The following ATP2B2 variants were observed in gnomAD, a reference collection of about 807,000 sequenced individuals.
ATP2B2 encodes plasma membrane calcium-transporting ATPase 2.
A neutral mutation model predicts 120.0 loss-of-function variants in ATP2B2; 15 were observed. That is an observed-to-expected ratio of 0.12 (90% CI 0.08 to 0.19). The LOEUF (loss-of-function observed/expected upper bound fraction) is 0.19. ATP2B2 is among the 10% of genes least tolerant of loss of function. ATP2B2 has a pLI of 1.00. For missense variants in ATP2B2, 1,045 were observed against 1,719.8 expected, an observed-to-expected ratio of 0.61 and a Z score of 6.94; for synonymous variants, 694 against 700.3, an observed-to-expected ratio of 0.99 and a Z score of 0.14.
rs887810626 is a variant in ATP2B2, at chr3:10,541,749, G to A, written c.-414-7616C>T. On this transcript the variant is annotated intron_variant, in intron 2 of 21. Transcript: ENST00000646379. ...ACAGCATGTATTCTGTTGCTGTTAC[G>A]GGGAGCATTCTATATGTGTTGATTA... Among the ~76,000 whole-genome samples, 18 of 152,216 alleles carry A rather than the reference G, an allele frequency of 1.2e-4. No homozygotes were observed. The South Asian group carries it at 1.7e-3, about 14-fold the overall frequency.
chr3:10,493,899 G>A (rs2066033892), intron 1 of ATP2B2, among the ~76,000 whole-genome samples: 1 of 152,178 alleles, frequency 6.6e-6, no homozygotes, highest in South Asian at 2.1e-4. Context: ...CAGAGGTGGG[G>A]AAAAGGGTCA....
At chr3:10,374,252 T>C (rs1454102544) in intron 11 of ATP2B2, among the ~76,000 whole-genome samples, 1 of 152,180 alleles carries the variant, frequency 6.6e-6, no homozygotes, top group Non-Finnish European at 1.5e-5. Context: ...ACAGTCACCC[T>C]CTGCTGGCCC....
In ATP2B2 at chr3:10,486,324, CGTGT is replaced by C. The variant is rs1553616064; in HGVS notation, c.-320+19137_-320+19140del. Among the ~76,000 whole-genome samples the C allele has an allele frequency of 6.6e-3, 771 of 117,160 alleles. 5 individuals carry two copies. The highest frequency in any genetic ancestry group is 0.018 in the African/African-American group (693 of 37,480). 76.9% of individuals were successfully genotyped at this position (117,160 alleles called of 152,430 possible). A position where few individuals can be genotyped will look rare whatever the true frequency, so the allele number is the denominator to read the frequency against. ...AACAGCAGCCAGGTGTGTGTGCGTG[CGTGT>C]GTGTGTGTGTGTGTGTGTGTGTGTG... is the stretch of plus-strand genomic sequence containing the variant. On this transcript the variant is annotated intron_variant, in intron 1 of 22. Coordinates refer to ENST00000360273, the MANE Select transcript of ATP2B2 (RefSeq NM_001001331.4).
At chr3:10,334,011 G>A (rs571300951) in intron 22 of ATP2B2, among the ~76,000 whole-genome samples, 1 of 152,370 alleles carries the variant, frequency 6.6e-6, no homozygotes, top group Admixed American at 6.5e-5. Context: ...GTTGTTCCCG[G>A]ACGGGCCCTA....
At chr3:10,336,411 G>T in intron 22 of ATP2B2, 4 of 1,115,532 alleles carry the variant, frequency 3.6e-6, no homozygotes, top group Non-Finnish European at 3.8e-6. Flanking sequence ...CAACGACAAT[G>T]TCACTTAAAT....
In ATP2B2 at chr3:10,703,094, A is replaced by C. The variant is rs1386575821; in HGVS notation, c.-460+4821T>G. ...CACAGGCTTTAGCACGAACATCCCCAGTCCTCCGTCATTCTTCAAAGGTCT... is the reference window on the plus strand; with the variant it reads ...CACAGGCTTTAGCACGAACATCCCCCGTCCTCCGTCATTCTTCAAAGGTCT... On this transcript the variant is annotated intron_variant, in intron 1 of 21. Coordinates refer to the ATP2B2 transcript ENST00000646379. 2.0e-5 allele frequency among the ~76,000 whole-genome samples: 3 copies of C among 152,258 alleles called. No homozygotes were observed. In the East Asian group the frequency reaches 5.8e-4, roughly 29 times the overall value.
At chr3:10,471,388 G>T (rs75099461) in intron 1 of ATP2B2, among the ~76,000 whole-genome samples, 2 of 119,454 alleles carry the variant, frequency 1.7e-5, no homozygotes, top group African/African-American at 8.2e-5. Flanking sequence ...GTGTGTGTGT[G>T]TGTGTGTGTG....
At chr3:10,559,423 G>C (rs1240996240) in intron 2 of ATP2B2, among the ~76,000 whole-genome samples, 2 of 152,122 alleles carry the variant, frequency 1.3e-5, no homozygotes, top group Non-Finnish European at 2.9e-5. Context: ...ATAAACGTTT[G>C]GGGCGATGGA....
In ATP2B2 at chr3:10,691,924, G is replaced by C. The variant is rs148456986; in HGVS notation, c.-460+15991C>G. On this transcript the variant is annotated intron_variant, in intron 1 of 21. Coordinates refer to the ATP2B2 transcript ENST00000646379. Reference sequence around the variant, plus strand: ...GGAGCTTTCCCACATATCTTGCTTCGTCTTCCAATACTGCGATGGTCTGAT... The same window carrying C: ...GGAGCTTTCCCACATATCTTGCTTCCTCTTCCAATACTGCGATGGTCTGAT... 3.3e-5 allele frequency among the ~76,000 whole-genome samples: 5 copies of C among 152,234 alleles called. No individual in the cohort carries two copies. In the East Asian group the frequency reaches 9.6e-4, roughly 29 times the overall value.
chr3:10,353,438 G>A (rs73129252), intron 14 of ATP2B2, among the ~76,000 whole-genome samples: 1,653 of 152,308 alleles, frequency 0.011, 27 homozygotes, highest in African/African-American at 0.037. Flanking sequence ...CTGGCCGCAG[G>A]GAACTGTCCA....
intron 1 of ATP2B2, among the ~76,000 whole-genome samples, chr3:10,457,700 A>G (rs1296993702): frequency 6.6e-6 from 1 of 152,134 alleles, no homozygotes; most frequent in African/African-American, 2.4e-5. Context: ...CTCACAGTTG[A>G]GAAGAGAGAA....
intron 2 of ATP2B2, among the ~76,000 whole-genome samples, chr3:10,414,585 A>G (rs1015450664): frequency 6.6e-6 from 1 of 152,234 alleles, no homozygotes; most frequent in Non-Finnish European, 1.5e-5. Flanking sequence ...CAATCTTCTA[A>G]GAGAAGCTGG....
At chr3:10,540,670 G>A (rs2067417935) in intron 2 of ATP2B2, among the ~76,000 whole-genome samples, 1 of 141,606 alleles carries the variant, frequency 7.1e-6, no homozygotes, top group Admixed American at 7.7e-5. Context: ...ATTGAACAAT[G>A]AGAACACTTG....
At chr3:10,565,138 G>A (rs7653199) in intron 2 of ATP2B2, among the ~76,000 whole-genome samples, 7,571 of 152,238 alleles carry the variant, frequency 0.05, 376 homozygotes, top group African/African-American at 0.13. Flanking sequence ...GGGTGGCAGA[G>A]CAACAGAATG....
chr3:10,380,458 A>T (rs543264264), intron 8 of ATP2B2, among the ~76,000 whole-genome samples: 1 of 152,346 alleles, frequency 6.6e-6, no homozygotes, highest in East Asian at 1.9e-4. Flanking sequence ...GGGCACACAC[A>T]TAAGCTCTGA....
chr3:10,433,820 C>T (rs2063396493), intron 2 of ATP2B2, among the ~76,000 whole-genome samples: 1 of 152,188 alleles, frequency 6.6e-6, no homozygotes, highest in African/African-American at 2.4e-5. Flanking sequence ...TGATTGCCCA[C>T]CTAAAGCTGC....
chr3:10,338,136 C>A lies in ATP2B2; in HGVS notation c.3420+40G>T, dbSNP rs1422385996. The stretch of plus-strand genomic sequence containing the variant: ...ACTCACCTCCATCCCCTGGCCCGCC[C>A]CGGCCAGGCCTGGGCCCAGCCCCCA... On this transcript the variant is annotated intron_variant, in intron 22 of 22. Coordinates refer to ENST00000360273, the MANE Select transcript of ATP2B2 (RefSeq NM_001001331.4). 5.6e-6 allele frequency: 9 copies of A among 1,612,358 alleles called. No homozygotes were observed. In the East Asian group the frequency reaches 2.0e-4, roughly 36 times the overall value.
chr3:10,376,936 G>C (rs538515059), intron 10 of ATP2B2, among the ~76,000 whole-genome samples: 1 of 152,270 alleles, frequency 6.6e-6, no homozygotes, highest in East Asian at 1.9e-4. Flanking sequence ...AGCTGCCCCC[G>C]GCTTCTTCCC....
rs1374495991 is a variant in ATP2B2 at position 10,378,254 on chromosome 3, G to T, written c.1199C>A (p.Ala400Glu). 3 of 1,606,354 alleles carry T rather than the reference G, an allele frequency of 1.9e-6. No homozygotes were observed. ...LTKLAVQIGK[A>E]GLVMSAITVI... ...TGCCTCCCACCTGCTGCACTCACCC[G>T]CCTTCCCGATCTGCACAGCCAGCTT... is the stretch of plus-strand genomic sequence containing the variant. Residue 400 changes from alanine (A) to glutamate (E), a missense_variant and splice_region_variant, in exon 10 of 23, where the codon GCG becomes GAG. Physicochemically the swap from Ala to Glu is moderately radical, Grantham distance 107. This residue lies in a region of ATP2B2 where 343 missense variants were observed against 536.8 expected (regional missense o/e 0.64). Coordinates refer to ENST00000360273, the MANE Select transcript of ATP2B2 (RefSeq NM_001001331.4).
Sources: allele counts gnomAD v4.1 joint callset (sites outside exome capture counted in the v4.1 genomes callset), GRCh38; gene constraint gnomAD v4.1.1; regional missense constraint gnomAD v4.1.1; transcripts MANE v1.5; gene names NCBI Gene and HGNC (gene_info 2026-07-23, HGNC 2026-07-21).